ST6GALNAC3: variants seen among roughly 807,000 people sequenced by gnomAD.
The protein encoded by ST6GALNAC3 is alpha-N-acetylgalactosaminide alpha-2,6-sialyltransferase 3.
ST6GALNAC3 carries 25 observed loss-of-function variants against 32.7 expected under a neutral mutation model. That is an observed-to-expected ratio of 0.76 (90% CI 0.56 to 1.07). The LOEUF (loss-of-function observed/expected upper bound fraction) is 1.07. ST6GALNAC3 is among the 50% of genes least tolerant of loss of function. The probability of loss-of-function intolerance (pLI) is 0.00; values close to 1 mark genes in which losing one functional copy is unlikely to be tolerated. For missense variants in ST6GALNAC3, 355 were observed against 382.4 expected (o/e 0.93, Z 0.60); for synonymous variants, 129 against 133.1 (o/e 0.97, Z 0.21).
intron 3 of ST6GALNAC3, among the ~76,000 whole-genome samples, chr1:76,457,926 C>A (rs1456515004): frequency 2.7e-5 from 4 of 150,876 alleles, no homozygotes; most frequent in African/African-American, 7.3e-5. Flanking sequence ...GCAAAAAAAA[C>A]TACCATCAGA....
intron 2 of ST6GALNAC3, among the ~76,000 whole-genome samples, chr1:76,353,259 T>C (rs1649148004): frequency 6.6e-6 from 1 of 152,118 alleles, no homozygotes; most frequent in African/African-American, 2.4e-5. Context: ...CTGTTTCCTC[T>C]CCCTGTACGT....
intron 3 of ST6GALNAC3, among the ~76,000 whole-genome samples, chr1:76,418,890 C>T (rs925090339): frequency 2.6e-5 from 4 of 151,152 alleles, no homozygotes; most frequent in Non-Finnish European, 5.9e-5. Context: ...CAGTGACCTA[C>T]ATTAGGCCTC....
At position 76,630,341 on chromosome 1, in the gene ST6GALNAC3, G is replaced by T. The variant is rs951982250; in HGVS notation, c.*1535G>T. ...CTATATACGTATATATACACGTGTG[G>T]TTCTATTTAGGTGGGGAAAAAATGA... On this transcript the variant is annotated 3_prime_UTR_variant, in exon 5 of 5. Coordinates refer to ENST00000328299, the MANE Select transcript of ST6GALNAC3 (RefSeq NM_152996.4). The T allele has an allele frequency of 2.7e-5, 27 of 985,024 alleles. No individual in the cohort carries two copies. In the African/African-American group the frequency reaches 3.1e-4, roughly 11 times the overall value. The allele number at this position is 985,024 out of a possible 1,614,324, so 61.0% of individuals were successfully genotyped here.
intron 1 of ST6GALNAC3, among the ~76,000 whole-genome samples, chr1:76,093,391 A>C (rs1409278395): frequency 6.6e-6 from 1 of 152,222 alleles, no homozygotes; most frequent in Non-Finnish European, 1.5e-5. Flanking sequence ...GAAAGATAGA[A>C]GAGGATTTTC....
At chr1:76,114,751 A>C (rs905538846) in intron 1 of ST6GALNAC3, among the ~76,000 whole-genome samples, 1 of 152,032 alleles carries the variant, frequency 6.6e-6, no homozygotes, top group African/African-American at 2.4e-5. Context: ...TGTACTAAAA[A>C]TACAGAAATT....
chr1:76,254,696 ATTAT>A (rs1657816259), intron 1 of ST6GALNAC3, among the ~76,000 whole-genome samples: 1 of 152,052 alleles, frequency 6.6e-6, no homozygotes, highest in African/African-American at 2.4e-5. Flanking sequence ...ACTGTCTCGG[ATTAT>A]ACATTAAGCT....
intron 2 of ST6GALNAC3, among the ~76,000 whole-genome samples, chr1:76,372,300 T>G (rs1220343133): frequency 2.0e-5 from 3 of 152,102 alleles, no homozygotes; most frequent in African/African-American, 7.2e-5. Flanking sequence ...TTATTTTTGA[T>G]TGAAAAATAA....
intron 2 of ST6GALNAC3, among the ~76,000 whole-genome samples, chr1:76,342,769 T>C (rs1648159592): frequency 6.6e-6 from 1 of 152,126 alleles, no homozygotes; most frequent in African/African-American, 2.4e-5. Flanking sequence ...GTAGCCATTC[T>C]GATTGGTATG....
chr1:76,348,746 C>CTATA (rs58104334), intron 2 of ST6GALNAC3, among the ~76,000 whole-genome samples: 3 of 149,994 alleles, frequency 2.0e-5, no homozygotes, highest in Admixed American at 6.6e-5. Flanking sequence ...GCATGCATGC[C>CTATA]TATATATATA....
intron 3 of ST6GALNAC3, among the ~76,000 whole-genome samples, chr1:76,496,671 G>A (rs1333986983): frequency 2.0e-5 from 3 of 151,434 alleles, no homozygotes; most frequent in South Asian, 4.4e-4. Context: ...TCTCAAAAAG[G>A]TTTGCTTTCC....
chr1:76,188,531 G>A (rs1290213786), intron 1 of ST6GALNAC3, among the ~76,000 whole-genome samples: 2 of 152,090 alleles, frequency 1.3e-5, no homozygotes, highest in South Asian at 2.1e-4. Context: ...AAGCACTTGG[G>A]CCTGGTCAGT....
At chr1:76,253,244 T>A (rs1252346358) in intron 1 of ST6GALNAC3, among the ~76,000 whole-genome samples, 5 of 152,160 alleles carry the variant, frequency 3.3e-5, no homozygotes, top group African/African-American at 1.2e-4. Flanking sequence ...ACTTATACAT[T>A]CTTCTGTGTC....
intron 1 of ST6GALNAC3, among the ~76,000 whole-genome samples, chr1:76,167,083 C>G (rs748165444): frequency 5.9e-5 from 9 of 152,130 alleles, no homozygotes; most frequent in Non-Finnish European, 1.5e-5. Context: ...TGCTGGTTTT[C>G]AAGGGAAATG....
intron 3 of ST6GALNAC3, among the ~76,000 whole-genome samples, chr1:76,599,942 ATAGG>A (rs1408598633): frequency 6.6e-6 from 1 of 152,128 alleles, no homozygotes; most frequent in African/African-American, 2.4e-5. Flanking sequence ...GAGAAGAAAA[ATAGG>A]TAGCCCTTAA....
chr1:76,117,576 C>A (rs1192318699), intron 1 of ST6GALNAC3, among the ~76,000 whole-genome samples: 1 of 150,686 alleles, frequency 6.6e-6, no homozygotes, highest in East Asian at 1.9e-4. Context: ...GTCTTTGCTG[C>A]ATTATCAGCT....
intron 1 of ST6GALNAC3, among the ~76,000 whole-genome samples, chr1:76,083,355 G>A (rs982730905): frequency 8.5e-5 from 13 of 152,258 alleles, no homozygotes; most frequent in African/African-American, 2.4e-4. Flanking sequence ...GCGGCTGGCC[G>A]CGACAATGGG....
chr1:76,305,948 T>C, intron 1 of ST6GALNAC3: 2 of 517,656 alleles, frequency 3.9e-6, no homozygotes, highest in Non-Finnish European at 7.7e-6. Context: ...TTAACTAAGT[T>C]GTTAATTGTT....
intron 3 of ST6GALNAC3, among the ~76,000 whole-genome samples, chr1:76,626,294 A>G (rs1038266185): frequency 2.0e-5 from 3 of 151,888 alleles, no homozygotes; most frequent in African/African-American, 7.2e-5. Context: ...GTCTATATGG[A>G]AGATAGACCA....
At chr1:76,499,901 A>G (rs752962936) in intron 3 of ST6GALNAC3, among the ~76,000 whole-genome samples, 3 of 152,132 alleles carry the variant, frequency 2.0e-5, no homozygotes, top group Admixed American at 1.3e-4. Context: ...TAAATAGACA[A>G]CCGACAAAAT....
Sources: allele counts gnomAD v4.1 joint callset (sites outside exome capture counted in the v4.1 genomes callset), GRCh38; gene constraint gnomAD v4.1.1; transcripts MANE v1.5; gene names NCBI Gene and HGNC (gene_info 2026-07-23, HGNC 2026-07-21).